The following CAPN15 variants were observed in gnomAD, a reference collection of about 807,000 sequenced individuals.
CAPN15 encodes the protein calpain 15, also known as calpain-15.
In CAPN15, 53 loss-of-function variants were observed where a neutral mutation model predicts 97.9. The ratio of observed to expected loss-of-function variants is 0.54; its 90% CI spans 0.43 to 0.68. CAPN15 has a LOEUF of 0.68. Ranked by LOEUF, CAPN15 falls within the 30% of genes least tolerant of loss-of-function variation. The pLI, the probability that CAPN15 is intolerant of heterozygous loss-of-function variation, is 0.00. For missense variants in CAPN15, 1,592 were observed against 1,589.8 expected (o/e 1.00, Z -0.02); for synonymous variants, 922 against 722.5 (o/e 1.28, Z -4.43).
intron 1 of CAPN15, among the ~76,000 whole-genome samples, chr16:530,165 G>A (rs1463143517): frequency 2.0e-5 from 3 of 152,230 alleles, no homozygotes; most frequent in Non-Finnish European, 2.9e-5. Flanking sequence ...AGGTCTGTGC[G>A]GTTCTCATGT....
chr16:546,186 G>A (rs557473312), intron 3 of CAPN15, among the ~76,000 whole-genome samples: 4 of 152,394 alleles, frequency 2.6e-5, no homozygotes, highest in East Asian at 1.9e-4. Context: ...CAGAACACCC[G>A]TGTTGCTCGC....
In CAPN15 at chr16:547,220, GAGGAGGAGAAGGAGGAGC is replaced by G. The variant is rs1371008726; in HGVS notation, c.391_408del (p.Lys131_Glu136del). On this transcript the variant is annotated inframe_deletion, in exon 4 of 14. Coordinates refer to ENST00000219611, the MANE Select transcript of CAPN15 (RefSeq NM_005632.3). ...CAGGGGGCAGTGCGAGGACAAGGAC[GAGGAGGAGAAGGAGGAGC>G]AGGAGGAGGAGGAGGGAGCGGCGGA... is the stretch of plus-strand genomic sequence containing the variant. 2.6e-6 allele frequency: 4 copies of G among 1,526,480 alleles called. No homozygotes were observed. Among genetic ancestry groups the G allele is most frequent in the Middle Eastern group, 1.9e-4 (1 of 5,314 alleles). The allele number at this position is 1,526,480 out of a possible 1,614,324, so 94.6% of individuals were successfully genotyped here. A position where few individuals can be genotyped will look rare whatever the true frequency, so the allele number is the denominator to read the frequency against.
In CAPN15 at chr16:552,606, C is replaced by G; in HGVS notation, c.2739C>G (p.Ala913=). 6.5e-7 allele frequency: 1 copy of G among 1,539,394 alleles called. No homozygotes were observed. Among genetic ancestry groups the G allele is most frequent in the Non-Finnish European group, 8.7e-7 (1 of 1,145,038 alleles). ...PPLPGTPAPQ[A]SSPSAGVPRA... ...CGGTTCACACGCCCGTCCTTGTAGC[C>G]TCCAGCCCCTCGGCAGGGGTCCCGA... Residue 913 remains alanine (A), a splice_region_variant and synonymous_variant, in exon 12 of 14, where the codon GCC becomes GCG. Coordinates refer to ENST00000219611, the MANE Select transcript of CAPN15 (RefSeq NM_005632.3). The surrounding 1 kb of genome is among the most constrained non-coding windows in gnomAD (Gnocchi z 6.4).
At chr16:536,703 C>T (rs1567136986) in intron 3 of CAPN15, among the ~76,000 whole-genome samples, 1 of 152,212 alleles carries the variant, frequency 6.6e-6, no homozygotes, top group South Asian at 2.1e-4. Flanking sequence ...GGATTACAGG[C>T]GTGAGCCACT....
At chr16:550,251 T>C (rs910489252) in intron 7 of CAPN15, among the ~76,000 whole-genome samples, 1 of 152,212 alleles carries the variant, frequency 6.6e-6, no homozygotes, top group Non-Finnish European at 1.5e-5. Context: ...AGTGCCCCGG[T>C]GCGAGCACCT....
At chr16:532,872 A>G (rs1023319950) in intron 1 of CAPN15, among the ~76,000 whole-genome samples, 23 of 147,028 alleles carry the variant, frequency 1.6e-4, no homozygotes, top group African/African-American at 5.5e-4. Context: ...AAAAAAAAAC[A>G]GGTGATGCCT....
rs571629948 is a variant in CAPN15 at position 547,855 on chromosome 16, C to G, written c.1017C>G (p.Pro339=). ...VRYTPASPSS[P]DFTTWSCAKC... is the part of the protein sequence containing the mutation. ...ACACGCCCGCCAGCCCCTCCAGCCC[C>G]GACTTCACCACCTGGTCATGTGCCA... Residue 339 remains proline (P), a synonymous_variant, in exon 4 of 14, where the codon CCC becomes CCG. Transcript: ENST00000219611. The G allele has an allele frequency of 6.2e-7, 1 of 1,611,526 alleles. No homozygotes were observed. Among genetic ancestry groups the G allele is most frequent in the South Asian group, 1.1e-5 (1 of 90,858 alleles).
At position 547,323 on chromosome 16, in the gene CAPN15, C is replaced by T. The variant is rs1275122197; in HGVS notation, c.485C>T (p.Ser162Phe). ...CTLHNTPVAS[S>F]CSVCGGPRRL... ...CTGCACAACACGCCCGTGGCCAGCT[C>T]CTGCTCCGTCTGCGGGGGCCCACGC... The change falls in exon 4 of 14, where the codon TCC (serine) becomes TTC (phenylalanine). Residue 162 changes from serine (S) to phenylalanine (F), a missense_variant. Physicochemically the swap from Ser to Phe is radical, Grantham distance 155. Coordinates refer to ENST00000219611, the MANE Select transcript of CAPN15 (RefSeq NM_005632.3). 2 of 1,534,716 alleles carry T rather than the reference C, an allele frequency of 1.3e-6. No homozygotes were observed. The highest frequency in any genetic ancestry group is 1.7e-6 in the Non-Finnish European group (2 of 1,146,574).
chr16:547,580 C>T lies in CAPN15; in HGVS notation c.742C>T (p.Arg248Ter), dbSNP rs1372585139. 3.2e-6 allele frequency: 5 copies of T among 1,580,778 alleles called. No individual in the cohort carries two copies. The highest frequency in any genetic ancestry group is 1.1e-5 in the South Asian group (1 of 90,176). Residue 248 changes from arginine to a stop codon, truncating the protein, a stop_gained, in exon 4 of 14, where the codon CGA (arginine) becomes TGA (stop). Transcript: ENST00000219611. LOFTEE classifies it high-confidence loss of function. ...GCAGAACAACCCCGTGCCGCGCAGCCGACGCGAGGTTCCCCCCCAGCTGCA... is the reference window on the plus strand; with the variant it reads ...GCAGAACAACCCCGTGCCGCGCAGCTGACGCGAGGTTCCCCCCCAGCTGCA... ...TLQNNPVPRS[R>*]REVPPQLQPP...
chr16:548,175 G>C lies in CAPN15; in HGVS notation c.1337G>C (p.Arg446Pro). 2 of 1,529,382 alleles carry C rather than the reference G, an allele frequency of 1.3e-6. No individual in the cohort carries two copies. The highest frequency in any genetic ancestry group is 1.8e-6 in the Non-Finnish European group (2 of 1,139,224). The allele number at this position is 1,529,382 out of a possible 1,614,324, so 94.7% of individuals were successfully genotyped here. ...HTPQLLVAQR[R>P]GAAPLRRRES... ...CCTCAGCTCCTGGTGGCCCAGCGGC[G>C]GGGGGCCGCGCCCCTGAGGCGCAGG... The change falls in exon 4 of 14, where the codon CGG (arginine) becomes CCG (proline). Residue 446 changes from arginine (R) to proline (P), a missense_variant. Arg to Pro is a moderately radical substitution (Grantham distance 103). Around this residue, in one of 3 missense-constraint regions of CAPN15, gnomAD observed 883 missense variants for 776.6 expected, o/e 1.14. Transcript: ENST00000219611.
chr16:550,112 C>T lies in CAPN15; in HGVS notation c.2066+274C>T, dbSNP rs567473568. Among the ~76,000 whole-genome samples, 88 of 131,842 alleles carry T rather than the reference C, an allele frequency of 6.7e-4. 1 individual carries two copies. The South Asian group carries it at 8.1e-3, about 12-fold the overall frequency. The allele number at this position is 131,842 out of a possible 152,430, so 86.5% of individuals were successfully genotyped here. On this transcript the variant is annotated intron_variant, in intron 7 of 13. Transcript: ENST00000219611. Reference sequence around the variant, plus strand: ...CCCGGAGCAGGTGTGAGCGGCGTGTCGAGTTTGACCTGGGCCGTGGGGCGA... The same window carrying T: ...CCCGGAGCAGGTGTGAGCGGCGTGTTGAGTTTGACCTGGGCCGTGGGGCGA...
chr16:543,540 C>T (rs1179207340), intron 3 of CAPN15, among the ~76,000 whole-genome samples: 3 of 152,180 alleles, frequency 2.0e-5, no homozygotes, highest in Non-Finnish European at 4.4e-5. Context: ...TGGCCCTCCC[C>T]TGGGTCGGCA....
At chr16:545,508 G>A (rs1246202456) in intron 3 of CAPN15, among the ~76,000 whole-genome samples, 1 of 152,364 alleles carries the variant, frequency 6.6e-6, no homozygotes, top group East Asian at 1.9e-4. Flanking sequence ...TGAACTTTAG[G>A]CCTTGTTCTG....
At chr16:543,673 C>T (rs564885216) in intron 3 of CAPN15, among the ~76,000 whole-genome samples, 121 of 152,244 alleles carry the variant, frequency 7.9e-4, no homozygotes, top group African/African-American at 2.7e-3. Context: ...TAGAGATGGG[C>T]GAGAGCGGTG....
intron 3 of CAPN15, chr16:537,181 C>T (rs771149499): frequency 2.1e-5 from 21 of 985,376 alleles, no homozygotes; most frequent in Admixed American, 6.1e-5. Context: ...CTGTGCTGTC[C>T]CTGCTCTCCT....
rs547141543 is a variant in CAPN15, at chr16:532,942, C to T, written c.-189-1004C>T. On this transcript the variant is annotated intron_variant, in intron 1 of 13. Transcript: ENST00000219611. ...CTGATCACAAAAGAGGGTGAGGGGC[C>T]GGGCATGGTGGCTCATGCCTGGAAT... Among the ~76,000 whole-genome samples the T allele has an allele frequency of 2.5e-3, 379 of 151,524 alleles. 1 individual carries two copies. The highest frequency in any genetic ancestry group is 0.011 in the Admixed American group (172 of 15,226).
intron 3 of CAPN15, among the ~76,000 whole-genome samples, chr16:541,723 G>A (rs1393826076): frequency 6.6e-6 from 1 of 152,228 alleles, no homozygotes; most frequent in African/African-American, 2.4e-5. Flanking sequence ...AGCCCACAGG[G>A]ACCCCCAGCC....
intron 2 of CAPN15, among the ~76,000 whole-genome samples, chr16:534,461 G>A (rs553440307): frequency 9.2e-5 from 14 of 152,306 alleles, no homozygotes; most frequent in Admixed American, 3.3e-4. Flanking sequence ...CGGAGTCCAC[G>A]TCCTCCCCCA....
chr16:540,120 C>G (rs1419553512), intron 3 of CAPN15: 3 of 985,358 alleles, frequency 3.0e-6, no homozygotes, highest in South Asian at 9.4e-5. Context: ...TCCCTCCATG[C>G]TCCGCTTCGC....
Sources: gnomAD v4.1 joint callset for allele counts (sites outside exome capture counted in the v4.1 genomes callset) on GRCh38, gnomAD v4.1.1 for gene constraint, gnomAD v4.1.1 regional missense constraint, Gnocchi (gnomAD v3.1) non-coding constraint, MANE v1.5 for transcripts, NCBI Gene and HGNC (gene_info 2026-07-23, HGNC 2026-07-21) for gene names.